Variants in ENOX2 observed in about 807,000 individuals in gnomAD.
The protein encoded by ENOX2 is APK1 antigen.
Under a neutral mutation model 45.0 loss-of-function variants are expected in ENOX2, and 36 were observed. That is an observed-to-expected ratio of 0.80 (90% CI 0.61 to 1.06). ENOX2 has a LOEUF of 1.06. Among genes scored for constraint, ENOX2 ranks in the 50% least tolerant of loss-of-function variants. ENOX2 has a pLI of 0.00. For missense variants in ENOX2, 423 were observed against 462.5 expected, an observed-to-expected ratio of 0.91 and a Z score of 0.78; for synonymous variants, 174 against 152.3, an observed-to-expected ratio of 1.14 and a Z score of -1.05.
At chrX:130,653,607 C>T (rs2036464790) in intron 10 of ENOX2, among the ~76,000 whole-genome samples, 1 of 112,029 alleles carries the variant, frequency 8.9e-6, no homozygotes, top group Admixed American at 9.5e-5. Flanking sequence ...ACTGTGACAA[C>T]TCTGGCCCAC....
intron 10 of ENOX2, among the ~76,000 whole-genome samples, chrX:130,639,491 T>C (rs2036022996): frequency 8.9e-6 from 1 of 112,428 alleles, no homozygotes; most frequent in Non-Finnish European, 1.9e-5. Context: ...GGGCTACTTA[T>C]GAGAATTTCT....
intron 2 of ENOX2, among the ~76,000 whole-genome samples, chrX:130,827,282 A>G (rs1445580807): frequency 1.8e-5 from 2 of 111,738 alleles, no homozygotes; most frequent in Non-Finnish European, 3.8e-5. Flanking sequence ...GTGTAGATAG[A>G]TATACACACC....
At chrX:130,821,215 C>A (rs2077590326) in intron 2 of ENOX2, among the ~76,000 whole-genome samples, 1 of 109,436 alleles carries the variant, frequency 9.1e-6, no homozygotes, top group Non-Finnish European at 1.9e-5. Flanking sequence ...GACTATAAAT[C>A]ATGCTGCTAT....
chrX:130,653,861 A>G (rs1167677239), intron 10 of ENOX2, among the ~76,000 whole-genome samples: 1 of 112,131 alleles, frequency 8.9e-6, no homozygotes, highest in Non-Finnish European at 1.9e-5. Flanking sequence ...GGCCAGAACA[A>G]TGAAGGAGAA....
chrX:130,732,783 A>G (rs2038769047), intron 3 of ENOX2, among the ~76,000 whole-genome samples: 1 of 111,658 alleles, frequency 9.0e-6, no homozygotes, highest in African/African-American at 3.3e-5. Context: ...GGGAAAGTAC[A>G]GTCTCTTTAA....
chrX:130,875,980 G>A (rs976281784), intron 2 of ENOX2, among the ~76,000 whole-genome samples: 5 of 111,753 alleles, frequency 4.5e-5, no homozygotes, highest in African/African-American at 1.6e-4. Flanking sequence ...TGGACAAACT[G>A]GAATGCTTAT....
At chrX:130,712,495 T>C (rs1215894474) in intron 3 of ENOX2, among the ~76,000 whole-genome samples, 2 of 111,430 alleles carry the variant, frequency 1.8e-5, no homozygotes, top group Non-Finnish European at 3.8e-5. Context: ...AATGGCACAG[T>C]TGAACTGATA....
chrX:130,654,357 G>A (rs1603297539), intron 10 of ENOX2, among the ~76,000 whole-genome samples: 1 of 110,042 alleles, frequency 9.1e-6, no homozygotes, highest in African/African-American at 3.3e-5. Context: ...CTTCTAGGCT[G>A]GTTTTACTTT....
At chrX:130,826,308 T>A (rs1040867302) in intron 2 of ENOX2, among the ~76,000 whole-genome samples, 1 of 111,749 alleles carries the variant, frequency 8.9e-6, no homozygotes, top group African/African-American at 3.3e-5. Context: ...TTTGGTGCCC[T>A]TTTTGTAAAT....
chrX:130,824,219 T>C (rs1219821213), intron 2 of ENOX2, among the ~76,000 whole-genome samples: 4 of 111,579 alleles, frequency 3.6e-5, no homozygotes, highest in Non-Finnish European at 7.5e-5. Context: ...AAAACACAAA[T>C]AACATGATAT....
At position 130,679,590 on chromosome X, in the gene ENOX2, T is replaced by C; in HGVS notation, c.412A>G (p.Ile138Val). 4.1e-6 allele frequency: 5 copies of C among 1,211,345 alleles called. No homozygotes were observed. The South Asian group carries it at 7.0e-5, about 17-fold the overall frequency. The change falls in exon 6 of 15, where the codon ATT (isoleucine) becomes GTT (valine). Residue 138 changes from isoleucine (I) to valine (V), a missense_variant. Physicochemically the swap from Ile to Val is conservative, Grantham distance 29. Around this residue, in one of 5 missense-constraint regions of ENOX2, gnomAD observed 261 missense variants for 306.8 expected, o/e 0.85. Coordinates refer to ENST00000394363, the MANE Select transcript of ENOX2 (RefSeq NM_006375.4). The part of the protein sequence containing the change: ...IRKSKKNFCH[I>V]RFAEEYMVDK... Reference sequence around the variant, plus strand: ...ACCATGTACTCCTCAGCAAAGCGAATGTGGCAGAAGTTCTTCTTGCTCTTG... The same window carrying C: ...ACCATGTACTCCTCAGCAAAGCGAACGTGGCAGAAGTTCTTCTTGCTCTTG...
At chrX:130,755,796 C>A (rs190343935) in intron 3 of ENOX2, among the ~76,000 whole-genome samples, 2 of 110,429 alleles carry the variant, frequency 1.8e-5, no homozygotes, top group African/African-American at 6.6e-5. Context: ...CTATAGTCAC[C>A]CTGTTGTACT....
intron 3 of ENOX2, among the ~76,000 whole-genome samples, chrX:130,744,575 T>C (rs1311286084): frequency 8.9e-6 from 1 of 112,462 alleles, no homozygotes; most frequent in Non-Finnish European, 1.9e-5. Flanking sequence ...GCTGCATTTA[T>C]GATAGGCAGG....
At chrX:130,681,776 T>C (rs1421800924) in intron 5 of ENOX2, among the ~76,000 whole-genome samples, 7 of 111,882 alleles carry the variant, frequency 6.3e-5, no homozygotes, top group Non-Finnish European at 1.1e-4. Flanking sequence ...ATAGCAGTCA[T>C]TGTAGCGTTA....
intron 6 of ENOX2, among the ~76,000 whole-genome samples, chrX:130,675,429 T>C (rs923885425): frequency 1.8e-5 from 2 of 112,589 alleles, no homozygotes; most frequent in Non-Finnish European, 3.8e-5. Flanking sequence ...ACATTTCTTG[T>C]TGGATACAAT....
chrX:130,672,796 T>C (rs1395376032), intron 6 of ENOX2, among the ~76,000 whole-genome samples: 1 of 111,458 alleles, frequency 9.0e-6, no homozygotes, highest in African/African-American at 3.3e-5. Context: ...GGCCCCCTCA[T>C]CCCCTGAAGA....
intron 2 of ENOX2, among the ~76,000 whole-genome samples, chrX:130,858,487 T>C (rs1324040373): frequency 9.0e-6 from 1 of 111,590 alleles, no homozygotes; most frequent in Non-Finnish European, 1.9e-5. Flanking sequence ...AGCTTTATTC[T>C]TTTAGATTAT....
chrX:130,654,543 G>A (rs1365523362), intron 10 of ENOX2, among the ~76,000 whole-genome samples: 1 of 111,791 alleles, frequency 8.9e-6, no homozygotes, highest in Admixed American at 9.4e-5. Context: ...GATAAAAACT[G>A]AAGACCTTTT....
At chrX:130,784,977 A>G (rs2076947036) in intron 2 of ENOX2, among the ~76,000 whole-genome samples, 1 of 110,479 alleles carries the variant, frequency 9.1e-6, no homozygotes, top group Admixed American at 9.7e-5. Context: ...TAAAAAAAAA[A>G]AAACCTTGAA....
Sources: allele counts gnomAD v4.1 joint callset (sites outside exome capture counted in the v4.1 genomes callset), GRCh38; gene constraint gnomAD v4.1.1; regional missense constraint gnomAD v4.1.1; transcripts MANE v1.5; gene names NCBI Gene and HGNC (gene_info 2026-07-23, HGNC 2026-07-21).